PRRG1: variants seen among roughly 807,000 people sequenced by gnomAD.
PRRG1 encodes the protein proline rich and Gla domain 1, also known as transmembrane gamma-carboxyglutamic acid protein 1.
Under a neutral mutation model 11.8 loss-of-function variants are expected in PRRG1, and 5 were observed. That is an observed-to-expected ratio of 0.42 (90% CI 0.22 to 0.89). The LOEUF is 0.89. Ranked by LOEUF, PRRG1 falls within the 40% of genes least tolerant of loss-of-function variation. PRRG1 has a pLI of 0.28. For synonymous variants in PRRG1, 66 were observed against 60.4 expected (o/e 1.09, Z -0.43); for missense variants, 155 against 166.1 (o/e 0.93, Z 0.37).
intron 1 of PRRG1, among the ~76,000 whole-genome samples, chrX:37,351,770 A>G (rs1215235058): frequency 8.9e-6 from 1 of 112,248 alleles, no homozygotes; most frequent in Non-Finnish European, 1.9e-5. Flanking sequence ...TGATACTGAA[A>G]CTAGTGAAAT....
Position 37,371,609 on chromosome X carries a change from G to A in PRRG1, c.-42+22214G>A, listed in dbSNP as rs150222044. Reference sequence around the variant, plus strand: ...AGGGCTGTGACACCCTGTTTGAGGCGTTGCGGTTCCTGGCATTTCCAAGCT... The same window carrying A: ...AGGGCTGTGACACCCTGTTTGAGGCATTGCGGTTCCTGGCATTTCCAAGCT... On this transcript the variant is annotated intron_variant, in intron 1 of 3. Transcript: ENST00000378628. Among the ~76,000 whole-genome samples, 12 of 112,784 alleles carry A rather than the reference G, an allele frequency of 1.1e-4. No individual in the cohort carries two copies. The East Asian group carries it at 1.4e-3, about 13-fold the overall frequency.
intron 2 of PRRG1, 44 bp from the exon 3 acceptor site, chrX:37,425,796 A>G (rs1556388212): frequency 1.8e-6 from 2 of 1,092,262 alleles, no homozygotes; most frequent in African/African-American, 3.8e-5. Flanking sequence ...CATCTGGTAT[A>G]TCAACTTGCC....
chrX:37,370,754 C>T (rs1004587847), intron 1 of PRRG1, among the ~76,000 whole-genome samples: 25 of 111,871 alleles, frequency 2.2e-4, no homozygotes, highest in African/African-American at 5.9e-4. Flanking sequence ...GCCCCCCATG[C>T]GCCTGCCAGC....
At chrX:37,453,090 C>A in intron 3 of PRRG1, 46 bp from the exon 4 acceptor site, 1 of 1,114,366 alleles carries the variant, frequency 9.0e-7, no homozygotes, top group Non-Finnish European at 1.2e-6. Flanking sequence ...TATTTTCCAT[C>A]TTTTATTCAT....
chrX:37,382,525 GTA>G (rs781996229), intron 1 of PRRG1, among the ~76,000 whole-genome samples: 2 of 111,347 alleles, frequency 1.8e-5, no homozygotes, highest in South Asian at 7.5e-4. Context: ...ATTTTCCAGT[GTA>G]TGGATATAAC....
intron 3 of PRRG1, among the ~76,000 whole-genome samples, chrX:37,446,337 C>T (rs370156568): frequency 5.6e-4 from 63 of 111,711 alleles, no homozygotes; most frequent in African/African-American, 1.9e-3. Flanking sequence ...TTAGTCTACA[C>T]AGGTTCCTAA....
chrX:37,428,748 T>C (rs1038087586), intron 3 of PRRG1, among the ~76,000 whole-genome samples: 2 of 112,294 alleles, frequency 1.8e-5, no homozygotes, highest in Non-Finnish European at 3.8e-5. Flanking sequence ...AGTACCCCAG[T>C]AGGGACTCTG....
intron 1 of PRRG1, among the ~76,000 whole-genome samples, chrX:37,403,411 T>C (rs1238309990): frequency 1.5e-4 from 14 of 91,210 alleles, no homozygotes; most frequent in African/African-American, 5.1e-4. Context: ...TTCTCACTCA[T>C]AGGTGGGAAT....
intron 1 of PRRG1, among the ~76,000 whole-genome samples, chrX:37,369,517 A>G (rs1424112675): frequency 1.8e-5 from 2 of 112,056 alleles, no homozygotes; most frequent in African/African-American, 6.5e-5. Flanking sequence ...ATTTTCAAGT[A>G]TATAATACAT....
intron 1 of PRRG1, among the ~76,000 whole-genome samples, chrX:37,372,715 T>C (rs1296176854): frequency 2.7e-5 from 3 of 112,888 alleles, no homozygotes. Flanking sequence ...ATGTATAGTT[T>C]GCAAATATTT....
chrX:37,363,119 A>G (rs1930464685), intron 1 of PRRG1, among the ~76,000 whole-genome samples: 1 of 111,848 alleles, frequency 8.9e-6, no homozygotes, highest in Non-Finnish European at 1.9e-5. Context: ...TGTAAGATAT[A>G]TGGCTTTTAT....
intron 1 of PRRG1, among the ~76,000 whole-genome samples, chrX:37,405,168 T>A (rs948617954): frequency 8.9e-6 from 1 of 112,161 alleles, no homozygotes; most frequent in Non-Finnish European, 1.9e-5. Flanking sequence ...GTTTCTGCCC[T>A]ATTACCAGAT....
At position 37,357,048 on chromosome X, in the gene PRRG1, C is replaced by T. The variant is rs1249212083; in HGVS notation, c.-42+7653C>T. Among the ~76,000 whole-genome samples the T allele has an allele frequency of 2.7e-5, 3 of 111,800 alleles. No homozygotes were observed. In the Admixed American group the frequency reaches 2.8e-4, roughly 11 times the overall value. ...ATATAGTTTCACTACCCCAAAAATT[C>T]TCTGTGTTCTGCCTTTTCAACTGCC... On this transcript the variant is annotated intron_variant, in intron 1 of 3. Coordinates refer to ENST00000378628, the MANE Select transcript of PRRG1 (RefSeq NM_001142395.2).
At chrX:37,432,389 G>A (rs553580224) in intron 3 of PRRG1, among the ~76,000 whole-genome samples, 6 of 111,978 alleles carry the variant, frequency 5.4e-5, no homozygotes, top group Non-Finnish European at 1.1e-4. Flanking sequence ...CCCGGACCGT[G>A]AACAATGTTT....
intron 3 of PRRG1, among the ~76,000 whole-genome samples, chrX:37,428,814 A>T (rs1932798764): frequency 8.9e-6 from 1 of 112,794 alleles, no homozygotes. Flanking sequence ...GAGGTTCTCC[A>T]TGAGAGCCCT....
At chrX:37,356,899 T>C (rs1930252268) in intron 1 of PRRG1, among the ~76,000 whole-genome samples, 1 of 111,237 alleles carries the variant, frequency 9.0e-6, no homozygotes, top group African/African-American at 3.3e-5. Context: ...TGAACCTCCA[T>C]TGACATATCA....
At chrX:37,449,634 C>A (rs1240471118) in intron 3 of PRRG1, among the ~76,000 whole-genome samples, 1 of 112,398 alleles carries the variant, frequency 8.9e-6, no homozygotes, top group Non-Finnish European at 1.9e-5. Flanking sequence ...TTGTGTTTAT[C>A]ACTTCTTTAA....
intron 1 of PRRG1, among the ~76,000 whole-genome samples, chrX:37,363,903 C>T: frequency 8.9e-6 from 1 of 111,926 alleles, no homozygotes; most frequent in East Asian, 2.8e-4. Context: ...AAAATTTTTC[C>T]CTGAAGATCC....
At chrX:37,406,535 A>G (rs1394488022) in intron 2 of PRRG1, among the ~76,000 whole-genome samples, 1 of 109,474 alleles carries the variant, frequency 9.1e-6, no homozygotes, top group Non-Finnish European at 1.9e-5. Context: ...TATTTTATAT[A>G]TATAACTCAC....
Sources: allele counts gnomAD v4.1 joint callset (sites outside exome capture counted in the v4.1 genomes callset), GRCh38; gene constraint gnomAD v4.1.1; transcripts MANE v1.5; gene names NCBI Gene and HGNC (gene_info 2026-07-23, HGNC 2026-07-21).